RARS1: variants seen among roughly 807,000 people sequenced by gnomAD.
The protein encoded by RARS1 is arginine--tRNA ligase, cytoplasmic.
In RARS1, 75 loss-of-function variants were observed where a neutral mutation model predicts 78.7. The observed-to-expected ratio is 0.95, with a 90% CI of 0.79 to 1.15. The LOEUF (loss-of-function observed/expected upper bound fraction) is 1.15. Among genes scored for constraint, RARS1 ranks in the 50% most tolerant of loss-of-function variants. RARS1 has a pLI of 0.00. For synonymous variants in RARS1, 273 were observed against 268.2 expected (o/e 1.02, Z -0.18); for missense variants, 787 against 787.5 (o/e 1.00, Z 0.01).
chr5:168,504,078 A>G lies in RARS1; in HGVS notation c.1058-1943A>G, dbSNP rs564693540. On this transcript the variant is annotated intron_variant, in intron 9 of 14. Transcript: ENST00000231572. The stretch of plus-strand genomic sequence containing the variant: ...CCTGTCTCTGAAAAAAAAAAAAAAA[A>G]GAATAACGAGAGAGAGAGAGAGGTC... 2.6e-4 allele frequency among the ~76,000 whole-genome samples: 35 copies of G among 132,254 alleles called. 1 individual carries two copies. In the Middle Eastern group the frequency reaches 0.013, roughly 48 times the overall value. The allele number at this position is 132,254 out of a possible 152,430, so 86.8% of individuals were successfully genotyped here. A position where few individuals can be genotyped will look rare whatever the true frequency, so the allele number is the denominator to read the frequency against.
At chr5:168,486,734 CTG>C (rs1757972747) in intron 1 of RARS1, among the ~76,000 whole-genome samples, 191 bp downstream of exon 1, 2 of 152,048 alleles carry the variant, frequency 1.3e-5, no homozygotes, top group South Asian at 2.1e-4. Flanking sequence ...GCCCGTGTGA[CTG>C]TGATTTTCAG....
At chr5:168,509,371 A>G (rs1758517136) in intron 11 of RARS1, among the ~76,000 whole-genome samples, 1 of 151,032 alleles carries the variant, frequency 6.6e-6, no homozygotes, top group South Asian at 2.1e-4. Flanking sequence ...AAAGTAGCAC[A>G]TTCATTTTGG....
chr5:168,492,506 A>G (rs984875817), intron 2 of RARS1, among the ~76,000 whole-genome samples, 153 bp from the exon 3 acceptor site: 5 of 152,240 alleles, frequency 3.3e-5, no homozygotes, highest in African/African-American at 1.2e-4. Flanking sequence ...TGCATGTCTT[A>G]GCAAATCCCA....
chr5:168,491,463 A>G (rs982195121), intron 2 of RARS1, among the ~76,000 whole-genome samples: 1 of 152,234 alleles, frequency 6.6e-6, no homozygotes, highest in African/African-American at 2.4e-5. Flanking sequence ...TGTTTTAAGT[A>G]TGTTACCACA....
At position 168,488,711 on chromosome 5, in the gene RARS1, A is replaced by G. The variant is rs746471392; in HGVS notation, c.155A>G (p.Lys52Arg). The change falls in exon 2 of 15, where the codon AAG becomes AGG. Residue 52 changes from lysine to arginine, a missense_variant. Coordinates refer to ENST00000231572, the MANE Select transcript of RARS1 (RefSeq NM_002887.4). ...EQLQEENLKL[K>R]YRLNILRKSL... Reference sequence around the variant, plus strand: ...TTACAAGAAGAAAATTTAAAATTAAAGTATCGACTGAATATTCTTCGAAAG... The same window carrying G: ...TTACAAGAAGAAAATTTAAAATTAAGGTATCGACTGAATATTCTTCGAAAG... 2 of 1,610,584 alleles carry G rather than the reference A, an allele frequency of 1.2e-6. No individual in the cohort carries two copies. Among genetic ancestry groups the G allele is most frequent in the Admixed American group, 1.7e-5 (1 of 58,998 alleles).
intron 13 of RARS1, among the ~76,000 whole-genome samples, chr5:168,517,578 A>G (rs577135258): frequency 1.3e-5 from 2 of 152,286 alleles, no homozygotes; most frequent in East Asian, 3.9e-4. Flanking sequence ...TAGATGCTCT[A>G]TGTTTAAATA....
chr5:168,487,235 G>T (rs532954477), intron 1 of RARS1, among the ~76,000 whole-genome samples: 5 of 152,112 alleles, frequency 3.3e-5, no homozygotes, highest in South Asian at 2.1e-4. Flanking sequence ...GTGTTGGGGG[G>T]GGTCCCTGTA....
intron 2 of RARS1, among the ~76,000 whole-genome samples, chr5:168,490,705 A>C (rs1758064307): frequency 6.6e-6 from 1 of 152,206 alleles, no homozygotes; most frequent in African/African-American, 2.4e-5. Context: ...ATCACATATG[A>C]AACTGGTAGA....
Position 168,497,237 on chromosome 5 carries a change from T to C in RARS1, c.711T>C (p.His237=). 6.4e-7 allele frequency: 1 copy of C among 1,559,442 alleles called. No individual in the cohort carries two copies. Among genetic ancestry groups the C allele is most frequent in the Non-Finnish European group, 8.7e-7 (1 of 1,151,308 alleles). The change falls in exon 7 of 15, where the codon CAT becomes CAC. Residue 237 remains histidine, a synonymous_variant. Coordinates refer to ENST00000231572, the MANE Select transcript of RARS1 (RefSeq NM_002887.4). The stretch of plus-strand genomic sequence containing the variant: ...CTCTGATTGGTGTTAGGTTAAATCA[T>C]GTAGGAGACTGGGGGACCCAGTTTG... ...FAGYDVLRLN[H]VGDWGTQFGM... is the part of the protein sequence containing the mutation.
intron 9 of RARS1, among the ~76,000 whole-genome samples, chr5:168,505,012 A>T (rs1758408447): frequency 6.6e-6 from 1 of 152,098 alleles, no homozygotes; most frequent in African/African-American, 2.4e-5. Context: ...AATAAATGCA[A>T]TTTTTTAAAT....
At chr5:168,511,049 A>C (rs1216929238) in intron 12 of RARS1, among the ~76,000 whole-genome samples, 1 of 152,136 alleles carries the variant, frequency 6.6e-6, no homozygotes, top group African/African-American at 2.4e-5. Context: ...GCATTTGTAG[A>C]GTGGTCATAG....
At chr5:168,505,886 T>C (rs1758435075) in intron 9 of RARS1, 135 bp from the exon 10 acceptor site, 7 of 812,914 alleles carry the variant, frequency 8.6e-6, no homozygotes, top group Non-Finnish European at 9.2e-6. Flanking sequence ...AATTATGTGC[T>C]TTCTTTAGCT....
At position 168,517,893 on chromosome 5, in the gene RARS1, T is replaced by C. The variant is rs1425280733; in HGVS notation, c.1704T>C (p.His568=). The change falls in exon 14 of 15, where the codon CAT becomes CAC. Residue 568 remains histidine, a synonymous_variant. Transcript: ENST00000231572. ...GAGAAACCAAGATTCTTTTGGATCA[T>C]GAGAAGGAATGGAAACTAGGCCGGT... The part of the protein sequence containing the change: ...AARETKILLD[H]EKEWKLGRCI... 3 of 1,613,770 alleles carry C rather than the reference T, an allele frequency of 1.9e-6. No individual in the cohort carries two copies. The highest frequency in any genetic ancestry group is 2.2e-5 in the East Asian group (1 of 44,860).
intron 10 of RARS1, 23 bp from the exon 11 acceptor site, chr5:168,506,699 G>T: frequency 6.5e-7 from 1 of 1,531,134 alleles, no homozygotes. Context: ...AGACTAGCAA[G>T]TAACTTTCCG....
At position 168,506,165 on chromosome 5, in the gene RARS1, C is replaced by A; in HGVS notation, c.1202C>A (p.Ala401Glu). ...AAACAAAGACTATTTGAGGAAAAAG[C>A]AGATATGATTATCTATGTTGTGGAC... Reference protein sequence around the residue: ...AIKQRLFEEKADMIIYVVDNG... With the variant: ...AIKQRLFEEKEDMIIYVVDNG... The change falls in exon 10 of 15, where the codon GCA (alanine) becomes GAA (glutamate). Residue 401 changes from alanine (A) to glutamate (E), a missense_variant. Physicochemically the swap from Ala to Glu is moderately radical, Grantham distance 107. Transcript: ENST00000231572. 1 of 1,580,948 alleles carries A rather than the reference C, an allele frequency of 6.3e-7. No homozygotes were observed. Among genetic ancestry groups the A allele is most frequent in the Non-Finnish European group, 8.6e-7 (1 of 1,164,296 alleles).
intron 1 of RARS1, 104 bp downstream of exon 1, chr5:168,486,647 T>C (rs1327452476): frequency 7.2e-6 from 9 of 1,257,188 alleles, no homozygotes; most frequent in Non-Finnish European, 1.0e-5. Context: ...AGGACCATCC[T>C]GGTCCTCTCA....
rs1561829748 is a variant in RARS1, at chr5:168,518,097, G to GTTTTTTTTTTTTTTTT, written c.1873+36_1873+37insTTTTTTTTTTTTTTTT. 5 of 920,026 alleles carry GTTTTTTTTTTTTTTTT rather than the reference G, an allele frequency of 5.4e-6. No homozygotes were observed. The African/African-American group carries it at 2.5e-4, about 47-fold the overall frequency. The allele number at this position is 920,026 out of a possible 1,614,324, so 57.0% of individuals were successfully genotyped here. A position where few individuals can be genotyped will look rare whatever the true frequency, so the allele number is the denominator to read the frequency against. On this transcript the variant is annotated intron_variant, in intron 14 of 14. Coordinates refer to ENST00000231572, the MANE Select transcript of RARS1 (RefSeq NM_002887.4). ...TTTTTTTTTTTTTTTTTTTTTTTTA[G>GTTTTTTTTTTTTTTTT]TGAGAGACACGGATCTTGCTCTGTC...
chr5:168,489,785 C>G (rs1045487854), intron 2 of RARS1, among the ~76,000 whole-genome samples: 3 of 152,090 alleles, frequency 2.0e-5, no homozygotes, highest in South Asian at 4.2e-4. Context: ...TCTATCTTCC[C>G]CACTCCCATG....
chr5:168,486,497 G>T lies in RARS1; in HGVS notation c.-2G>T, dbSNP rs576866252. The T allele has an allele frequency of 3.5e-5, 54 of 1,558,436 alleles. No individual in the cohort carries two copies. In the South Asian group the frequency reaches 6.1e-4, roughly 18 times the overall value. ...CTTGGCGAGTGAGACGCTGATGGGAGGATGGACGTACTGGTGTCTGAGTGC... is the reference window on the plus strand; with the variant it reads ...CTTGGCGAGTGAGACGCTGATGGGATGATGGACGTACTGGTGTCTGAGTGC... On this transcript the variant is annotated 5_prime_UTR_variant, in exon 1 of 15. In the 5' UTR this introduces an upstream ATG that the reference lacks. Coordinates refer to ENST00000231572, the MANE Select transcript of RARS1 (RefSeq NM_002887.4).
Sources: gnomAD v4.1 joint callset for allele counts (sites outside exome capture counted in the v4.1 genomes callset) on GRCh38, gnomAD v4.1.1 for gene constraint, MANE v1.5 for transcripts, NCBI Gene and HGNC (gene_info 2026-07-23, HGNC 2026-07-21) for gene names.